HCN1: variants seen among roughly 807,000 people sequenced by gnomAD.
HCN1 encodes the protein hyperpolarization activated cyclic nucleotide gated potassium channel 1, also known as potassium/sodium hyperpolarization-activated cyclic nucleotide-gated channel 1.
HCN1 carries 13 observed loss-of-function variants against 78.9 expected under a neutral mutation model. That is an observed-to-expected ratio of 0.16 (90% CI 0.11 to 0.26). The LOEUF is 0.26. Ranked by LOEUF, HCN1 falls within the 10% of genes least tolerant of loss-of-function variation. The pLI, the probability that HCN1 is intolerant of heterozygous loss-of-function variation, is 1.00. For missense variants in HCN1, 810 were observed against 1,154.3 expected (o/e 0.70, Z 4.32); for synonymous variants, 552 against 455.5 (o/e 1.21, Z -2.70).
chr5:45,363,145 C>CATATATATATATATATATAT (rs34074894), intron 4 of HCN1, among the ~76,000 whole-genome samples: 2 of 131,288 alleles, frequency 1.5e-5, no homozygotes, highest in African/African-American at 3.0e-5. Flanking sequence ...TATATATATA[C>CATATATATATATATATATAT]ATATATATAT....
intron 2 of HCN1, among the ~76,000 whole-genome samples, chr5:45,635,589 G>C (rs544353347): frequency 1.2e-4 from 19 of 152,218 alleles, no homozygotes; most frequent in African/African-American, 4.6e-4. Flanking sequence ...GAATTTAGCT[G>C]TCTTAAAAAA....
At chr5:45,644,953 A>T (rs928975935) in intron 2 of HCN1, 8 of 538,956 alleles carry the variant, frequency 1.5e-5, no homozygotes, top group African/African-American at 1.3e-4. Flanking sequence ...TTAAAAATAA[A>T]ATAAATTGGC....
chr5:45,373,092 A>AAT (rs1274498000), intron 4 of HCN1, among the ~76,000 whole-genome samples: 1 of 134,030 alleles, frequency 7.5e-6, no homozygotes, highest in East Asian at 2.2e-4. Flanking sequence ...ATAAAAATAT[A>AAT]ATATATATAA....
At chr5:45,333,700 A>G (rs1398268233) in intron 5 of HCN1, among the ~76,000 whole-genome samples, 1 of 151,812 alleles carries the variant, frequency 6.6e-6, no homozygotes, top group Non-Finnish European at 1.5e-5. Context: ...ATTCTTCTGC[A>G]TATGGATACC....
intron 2 of HCN1, among the ~76,000 whole-genome samples, chr5:45,538,510 T>A (rs1252782518): frequency 2.0e-5 from 3 of 152,188 alleles, no homozygotes; most frequent in Non-Finnish European, 4.4e-5. Context: ...CTAAATCATT[T>A]GCCCAAGGTT....
At chr5:45,624,433 A>G (rs749095139) in intron 2 of HCN1, among the ~76,000 whole-genome samples, 1 of 152,186 alleles carries the variant, frequency 6.6e-6, no homozygotes, top group Non-Finnish European at 1.5e-5. Context: ...TAATCAGTGG[A>G]ATAGAATGGA....
At chr5:45,490,566 T>G (rs1741860654) in intron 2 of HCN1, among the ~76,000 whole-genome samples, 1 of 152,104 alleles carries the variant, frequency 6.6e-6, no homozygotes, top group Non-Finnish European at 1.5e-5. Flanking sequence ...CCTTACCCAT[T>G]AACTCTCCTC....
At chr5:45,387,045 T>C (rs1747936837) in intron 4 of HCN1, among the ~76,000 whole-genome samples, 1 of 152,000 alleles carries the variant, frequency 6.6e-6, no homozygotes, top group South Asian at 2.1e-4. Flanking sequence ...TAATCATTTA[T>C]GTTATATTAT....
chr5:45,504,461 G>A (rs1742254342), intron 2 of HCN1, among the ~76,000 whole-genome samples: 1 of 152,104 alleles, frequency 6.6e-6, no homozygotes, highest in Admixed American at 6.6e-5. Flanking sequence ...AGTATTCCAT[G>A]GTGTATATGT....
At chr5:45,573,241 T>C (rs1343326723) in intron 2 of HCN1, among the ~76,000 whole-genome samples, 3 of 152,172 alleles carry the variant, frequency 2.0e-5, no homozygotes, top group East Asian at 3.9e-4. Context: ...TCTGCTCTTC[T>C]TCCCCAAACA....
At chr5:45,569,695 A>AT (rs995097440) in intron 2 of HCN1, among the ~76,000 whole-genome samples, 31 of 152,164 alleles carry the variant, frequency 2.0e-4, no homozygotes, top group African/African-American at 6.5e-4. Context: ...TCAAACATCC[A>AT]TTTTTTTAAC....
intron 1 of HCN1, among the ~76,000 whole-genome samples, chr5:45,657,469 G>C (rs1381511130): frequency 1.3e-5 from 2 of 152,198 alleles, no homozygotes; most frequent in Admixed American, 6.5e-5. Context: ...TTAGTAGGCA[G>C]ATGTTGCACT....
chr5:45,659,049 T>A (rs1326464283), intron 1 of HCN1, among the ~76,000 whole-genome samples: 1 of 151,796 alleles, frequency 6.6e-6, no homozygotes, highest in Non-Finnish European at 1.5e-5. Flanking sequence ...GACTTAAGTG[T>A]CCCTGTCTGA....
In HCN1 at chr5:45,645,514, G is replaced by T; in HGVS notation, c.520C>A (p.Pro174Thr). 1 of 1,612,476 alleles carries T rather than the reference G, an allele frequency of 6.2e-7. No homozygotes were observed. Among genetic ancestry groups the T allele is most frequent in the Middle Eastern group, 1.7e-4 (1 of 6,052 alleles). ...ITFFTEQTTT[P>T]WIIFNVASDT... is the part of the protein sequence containing the mutation. ...GATGCCACATTGAAAATAATCCATGGTGTTGTTGTTTGCTCTGTAAAGAAT... is the reference window on the plus strand; with the variant it reads ...GATGCCACATTGAAAATAATCCATGTTGTTGTTGTTTGCTCTGTAAAGAAT... Residue 174 changes from proline (P) to threonine (T), a missense_variant, in exon 2 of 8, where the codon CCA becomes ACA. By Grantham distance (38) the Pro-to-Thr change is conservative. Around this residue, in one of 6 missense-constraint regions of HCN1, gnomAD observed 104 missense variants for 402.8 expected, o/e 0.26. Coordinates refer to ENST00000303230, the MANE Select transcript of HCN1 (RefSeq NM_021072.4).
At chr5:45,690,512 T>G (rs893511657) in intron 1 of HCN1, among the ~76,000 whole-genome samples, 1 of 152,022 alleles carries the variant, frequency 6.6e-6, no homozygotes, top group African/African-American at 2.4e-5. Context: ...ACAAATAGAA[T>G]TAACAGAGCC....
intron 2 of HCN1, among the ~76,000 whole-genome samples, chr5:45,584,606 T>C (rs1269494269): frequency 6.6e-6 from 1 of 152,214 alleles, no homozygotes; most frequent in Non-Finnish European, 1.5e-5. Context: ...CCTTAGTTGA[T>C]GCAGTTTCTT....
intron 4 of HCN1, among the ~76,000 whole-genome samples, chr5:45,393,159 G>A (rs6874279): frequency 0.08 from 12,116 of 152,152 alleles, 1,585 homozygotes; most frequent in African/African-American, 0.27. Flanking sequence ...GGTGATATTC[G>A]TATTTTAATT....
At chr5:45,512,891 G>T (rs1049693442) in intron 2 of HCN1, among the ~76,000 whole-genome samples, 25 of 152,186 alleles carry the variant, frequency 1.6e-4, no homozygotes, top group African/African-American at 5.8e-4. Context: ...TTTTTAGATA[G>T]AGTGAAGTAA....
chr5:45,612,556 C>T (rs1744859035), intron 2 of HCN1, among the ~76,000 whole-genome samples: 3 of 152,090 alleles, frequency 2.0e-5, no homozygotes, highest in African/African-American at 4.8e-5. Context: ...ATATTGGTTT[C>T]CTGAGGCCCA....
Sources: allele counts gnomAD v4.1 joint callset (sites outside exome capture counted in the v4.1 genomes callset), GRCh38; gene constraint gnomAD v4.1.1; regional missense constraint gnomAD v4.1.1; transcripts MANE v1.5; gene names NCBI Gene and HGNC (gene_info 2026-07-23, HGNC 2026-07-21).